The following AHCYL2 variants were observed in gnomAD, a reference collection of about 807,000 sequenced individuals.
The protein encoded by AHCYL2 is S-adenosylhomocysteine hydrolase-like protein 2.
Under a neutral mutation model 81.4 loss-of-function variants are expected in AHCYL2, and 28 were observed. The observed-to-expected ratio is 0.34, with a 90% CI of 0.25 to 0.47. The LOEUF is 0.47. AHCYL2 is among the 20% of genes least tolerant of loss of function. The pLI is 1.00. For missense variants in AHCYL2, 551 were observed against 785.1 expected, an observed-to-expected ratio of 0.70 and a Z score of 3.56; for synonymous variants, 272 against 290.2, an observed-to-expected ratio of 0.94 and a Z score of 0.64.
chr7:129,236,577 G>A (rs1794651818), intron 1 of AHCYL2, among the ~76,000 whole-genome samples: 1 of 152,128 alleles, frequency 6.6e-6, no homozygotes, highest in African/African-American at 2.4e-5. Context: ...CTGGGCTCAA[G>A]CGATCTGCCC....
chr7:129,422,808 G>T, intron 12 of AHCYL2, 32 bp from the exon 13 acceptor site: 2 of 1,599,628 alleles, frequency 1.3e-6, no homozygotes, highest in Non-Finnish European at 1.7e-6. Context: ...GGCTTGCTAT[G>T]GCTAATGCTG....
At chr7:129,339,057 A>C (rs934413296) in intron 1 of AHCYL2, among the ~76,000 whole-genome samples, 2 of 152,190 alleles carry the variant, frequency 1.3e-5, no homozygotes, top group African/African-American at 4.8e-5. Flanking sequence ...CCTGTTTCCT[A>C]AGTTGGTATT....
At chr7:129,308,563 A>T (rs1229328706) in intron 1 of AHCYL2, among the ~76,000 whole-genome samples, 1 of 152,214 alleles carries the variant, frequency 6.6e-6, no homozygotes, top group Non-Finnish European at 1.5e-5. Context: ...TTCTAATTGA[A>T]GGTGCTTTTT....
intron 1 of AHCYL2, among the ~76,000 whole-genome samples, chr7:129,326,307 AC>A (rs1329162532): frequency 6.6e-6 from 1 of 152,106 alleles, no homozygotes; most frequent in East Asian, 1.9e-4. Context: ...TGAGTGGATC[AC>A]CTGAGGTCAG....
At chr7:129,326,244 T>C (rs903748103) in intron 1 of AHCYL2, among the ~76,000 whole-genome samples, 3 of 152,026 alleles carry the variant, frequency 2.0e-5, no homozygotes, top group African/African-American at 7.2e-5. Context: ...AAAAAACTCC[T>C]GGCTGGGCAC....
At chr7:129,412,173 C>T (rs563587981) in intron 11 of AHCYL2, among the ~76,000 whole-genome samples, 1 of 152,082 alleles carries the variant, frequency 6.6e-6, no homozygotes, top group South Asian at 2.1e-4. Flanking sequence ...CATGGCAAAA[C>T]TCTGTCTCTA....
intron 10 of AHCYL2, among the ~76,000 whole-genome samples, chr7:129,409,100 A>G (rs545684878): frequency 1.4e-5 from 2 of 146,040 alleles, no homozygotes; most frequent in South Asian, 4.3e-4. Flanking sequence ...AAAAAAAAAA[A>G]CACACACAGT....
intron 11 of AHCYL2, 131 bp downstream of exon 11, chr7:129,409,677 C>T (rs1796472508): frequency 2.9e-6 from 2 of 684,600 alleles, no homozygotes; most frequent in Non-Finnish European, 4.9e-6. Flanking sequence ...CAAAGCCAGC[C>T]AGTCTTTCAC....
intron 1 of AHCYL2, among the ~76,000 whole-genome samples, chr7:129,323,996 G>A (rs1182035754): frequency 6.6e-6 from 1 of 150,822 alleles, no homozygotes; most frequent in South Asian, 2.1e-4. Context: ...TCAGACTCTC[G>A]AGTAGCTGGG....
intron 1 of AHCYL2, among the ~76,000 whole-genome samples, chr7:129,285,260 C>G (rs190089706): frequency 4.6e-5 from 7 of 152,214 alleles, no homozygotes; most frequent in Non-Finnish European, 8.8e-5. Context: ...TTCTTTCTCT[C>G]CCATCTGAGG....
chr7:129,238,078 C>T lies in AHCYL2; in HGVS notation c.363+12639C>T, dbSNP rs117022225. Among the ~76,000 whole-genome samples, 6 of 152,176 alleles carry T rather than the reference C, an allele frequency of 3.9e-5. No individual in the cohort carries two copies. In the East Asian group the frequency reaches 9.7e-4, roughly 25 times the overall value. ...GAGTATGTGTGATGAGGCTCTAGGA[C>T]GAAAAATTTTTCCCGGGTTAGGTAG... is the stretch of plus-strand genomic sequence containing the variant. On this transcript the variant is annotated intron_variant, in intron 1 of 16. Coordinates refer to ENST00000325006, the MANE Select transcript of AHCYL2 (RefSeq NM_015328.4).
intron 1 of AHCYL2, among the ~76,000 whole-genome samples, chr7:129,325,298 A>G (rs559771102): frequency 5.9e-5 from 9 of 152,320 alleles, no homozygotes; most frequent in African/African-American, 1.9e-4. Flanking sequence ...TGGGTATACA[A>G]TATTAGGTTA....
At chr7:129,307,779 C>T (rs1797495792) in intron 1 of AHCYL2, among the ~76,000 whole-genome samples, 1 of 151,752 alleles carries the variant, frequency 6.6e-6, no homozygotes, top group Admixed American at 6.6e-5. Flanking sequence ...TAGCTGGTTG[C>T]CGCTGCTGAT....
intron 1 of AHCYL2, among the ~76,000 whole-genome samples, chr7:129,302,490 C>T (rs961702911): frequency 2.6e-5 from 4 of 152,116 alleles, no homozygotes; most frequent in Non-Finnish European, 5.9e-5. Flanking sequence ...ATGATACTGG[C>T]TGTGGGTTGT....
intron 4 of AHCYL2, among the ~76,000 whole-genome samples, chr7:129,393,241 A>ACCC (rs1321885422): frequency 1.3e-5 from 2 of 152,078 alleles, no homozygotes; most frequent in Non-Finnish European, 2.9e-5. Context: ...ACATGGTAAA[A>ACCC]CCCCATCTCT....
intron 1 of AHCYL2, chr7:129,375,749 T>C (rs776936346): frequency 5.4e-6 from 8 of 1,488,880 alleles, no homozygotes; most frequent in Non-Finnish European, 7.1e-6. Context: ...AGTCCCCCAC[T>C]CCCCAGCCCA....
intron 11 of AHCYL2, 34 bp from the exon 12 acceptor site, chr7:129,413,560 C>T (rs907274962): frequency 6.7e-7 from 1 of 1,496,992 alleles, no homozygotes; most frequent in Non-Finnish European, 9.3e-7. Context: ...TTATCTTTCT[C>T]CACTGCTGCT....
intron 1 of AHCYL2, among the ~76,000 whole-genome samples, chr7:129,313,805 C>T (rs1797742723): frequency 6.6e-6 from 1 of 152,150 alleles, no homozygotes; most frequent in Admixed American, 6.6e-5. Context: ...ACTTTCTTTT[C>T]CATTTTAACA....
At chr7:129,356,111 C>A in intron 1 of AHCYL2, among the ~76,000 whole-genome samples, 1 of 152,104 alleles carries the variant, frequency 6.6e-6, no homozygotes, top group Non-Finnish European at 1.5e-5. Context: ...CTAGATCCTG[C>A]TAATTCTTCC....
Sources: gnomAD v4.1 joint callset for allele counts (sites outside exome capture counted in the v4.1 genomes callset) on GRCh38, gnomAD v4.1.1 for gene constraint, MANE v1.5 for transcripts, NCBI Gene and HGNC (gene_info 2026-07-23, HGNC 2026-07-21) for gene names.